LINC00305: variants seen among roughly 807,000 people sequenced by gnomAD.
The protein encoded by LINC00305 is long independently transcribed non-coding RNA 305, also known as long intergenic non-protein coding RNA 305.
chr18:64,107,662 CTCATTCT>C, intron 1 of LINC00305, among the ~76,000 whole-genome samples: 1 of 152,298 alleles, frequency 6.6e-6, no homozygotes, highest in East Asian at 1.9e-4. Flanking sequence ...CAGAAATATA[CTCATTCT>C]TCGTGACATC....
At chr18:64,122,961 T>C (rs986594035) in intron 1 of LINC00305, among the ~76,000 whole-genome samples, 2 of 152,102 alleles carry the variant, frequency 1.3e-5, no homozygotes, top group Non-Finnish European at 2.9e-5. Context: ...CTATTGTAAA[T>C]GGGATTGTCT....
intron 1 of LINC00305, among the ~76,000 whole-genome samples, chr18:64,114,560 T>A (rs893155568): frequency 8.5e-5 from 13 of 152,192 alleles, no homozygotes; most frequent in Non-Finnish European, 4.4e-5. Context: ...TGTTTGTTGG[T>A]TTGTTTGAGA....
At chr18:64,089,014 A>C (rs1290688414) in intron 3 of LINC00305, among the ~76,000 whole-genome samples, 5 of 152,226 alleles carry the variant, frequency 3.3e-5, no homozygotes, top group Non-Finnish European at 7.3e-5. Flanking sequence ...CTATGATCAC[A>C]GAAGGATAGA....
intron 1 of LINC00305, among the ~76,000 whole-genome samples, chr18:64,146,667 A>G (rs917208331): frequency 1.4e-4 from 22 of 152,230 alleles, no homozygotes; most frequent in Non-Finnish European, 1.9e-4. Context: ...TAAAGTATCC[A>G]CTAATGGAGA....
intron 1 of LINC00305, among the ~76,000 whole-genome samples, chr18:64,101,717 G>A (rs1032108053): frequency 6.6e-6 from 1 of 152,034 alleles, no homozygotes; most frequent in Admixed American, 6.6e-5. Flanking sequence ...AAGTTTTTGG[G>A]GAACACTGTT....
At chr18:64,094,669 C>A (rs139955054) in intron 3 of LINC00305, among the ~76,000 whole-genome samples, 234 of 152,020 alleles carry the variant, frequency 1.5e-3, no homozygotes, top group African/African-American at 5.4e-3. Context: ...TTAAGACCAC[C>A]CTGGGCAACA....
intron 1 of LINC00305, chr18:64,139,567 C>G (rs1020702680): frequency 6.6e-6 from 1 of 152,046 alleles, no homozygotes; most frequent in African/African-American, 2.4e-5. Flanking sequence ...CAGGAGTCTT[C>G]CCCTGGAAAA....
At chr18:64,143,586 A>ACGTAT (rs1402769901) in intron 1 of LINC00305, among the ~76,000 whole-genome samples, 24 of 100,720 alleles carry the variant, frequency 2.4e-4, no homozygotes, top group African/African-American at 6.2e-4. Context: ...GTATATGTAC[A>ACGTAT]TATGTACACA....
chr18:64,095,917 G>A (rs575646417), intron 3 of LINC00305, among the ~76,000 whole-genome samples: 8 of 152,050 alleles, frequency 5.3e-5, no homozygotes, highest in Non-Finnish European at 8.8e-5. Context: ...TGAAACATGG[G>A]AAATGTTATG....
intron 1 of LINC00305, among the ~76,000 whole-genome samples, chr18:64,110,402 G>A (rs1284754183): frequency 6.6e-6 from 1 of 152,174 alleles, no homozygotes; most frequent in East Asian, 1.9e-4. Context: ...AAGCCTATCT[G>A]TTTCTGTCTC....
At chr18:64,117,591 T>G (rs1742534689) in intron 1 of LINC00305, among the ~76,000 whole-genome samples, 1 of 152,190 alleles carries the variant, frequency 6.6e-6, no homozygotes, top group Admixed American at 6.6e-5. Flanking sequence ...AAAGAGAGTG[T>G]CTTGGACCCA....
intron 1 of LINC00305, among the ~76,000 whole-genome samples, chr18:64,101,465 A>G (rs1175987669): frequency 1.3e-5 from 2 of 152,084 alleles, no homozygotes; most frequent in Non-Finnish European, 2.9e-5. Flanking sequence ...TTTGGTTTGT[A>G]GCCACATCAC....
rs1407421639 is a variant in LINC00305, at chr18:64,145,450, C to A, written n.314+3325G>T. Among the ~76,000 whole-genome samples the A allele has an allele frequency of 2.0e-5, 3 of 152,144 alleles. No individual in the cohort carries two copies. The South Asian group carries it at 6.2e-4, about 32-fold the overall frequency. The stretch of plus-strand genomic sequence containing the variant: ...CACCATGGGACCAGAAGGCGGTGAC[C>A]CCCCTGGACCCAGCTTTCACTATCT... On this transcript the variant is annotated intron_variant and non_coding_transcript_variant, in intron 1 of 3. Transcript: ENST00000666468.
At chr18:64,087,954 C>T (rs1425047007) in intron 3 of LINC00305, among the ~76,000 whole-genome samples, 4 of 151,648 alleles carry the variant, frequency 2.6e-5, no homozygotes, top group Non-Finnish European at 4.4e-5. Flanking sequence ...ACAAAACAAA[C>T]AGACAAAAAA....
At chr18:64,097,036 A>G (rs1050490813) in intron 3 of LINC00305, among the ~76,000 whole-genome samples, 4 of 151,996 alleles carry the variant, frequency 2.6e-5, no homozygotes, top group Admixed American at 2.0e-4. Flanking sequence ...TCTGGAGGAC[A>G]TGGTGAGAAC....
At chr18:64,089,311 C>T (rs2051216173) in intron 3 of LINC00305, among the ~76,000 whole-genome samples, 2 of 152,180 alleles carry the variant, frequency 1.3e-5, no homozygotes, top group Admixed American at 1.3e-4. Context: ...GAAGAAGGTG[C>T]TTGCTTCTAC....
At chr18:64,089,326 C>G (rs982185764) in intron 3 of LINC00305, among the ~76,000 whole-genome samples, 3 of 152,186 alleles carry the variant, frequency 2.0e-5, no homozygotes, top group African/African-American at 7.2e-5. Flanking sequence ...TTCTACTTTG[C>G]CTTCTGCCAT....
intron 1 of LINC00305, among the ~76,000 whole-genome samples, chr18:64,119,724 C>T (rs979342826): frequency 6.6e-6 from 1 of 152,120 alleles, no homozygotes; most frequent in Non-Finnish European, 1.5e-5. Flanking sequence ...TCTATGGTCT[C>T]CTCTTGCAGT....
intron 1 of LINC00305, among the ~76,000 whole-genome samples, chr18:64,107,756 T>C (rs1159146924): frequency 3.9e-5 from 6 of 152,202 alleles, no homozygotes; most frequent in Admixed American, 2.0e-4. Context: ...CAATGTATCT[T>C]ATAGGGTAGA....
Sources: allele counts gnomAD v4.1 joint callset (sites outside exome capture counted in the v4.1 genomes callset), GRCh38; gene constraint gnomAD v4.1.1; transcripts MANE v1.5; gene names NCBI Gene and HGNC (gene_info 2026-07-23, HGNC 2026-07-21).